ARHGAP24: variants seen among roughly 807,000 people sequenced by gnomAD.
The protein encoded by ARHGAP24 is Rho GTPase activating protein 24, also known as rho GTPase-activating protein 24.
A neutral mutation model predicts 76.4 loss-of-function variants in ARHGAP24; 50 were observed. The observed-to-expected ratio is 0.65, with a 90% CI of 0.52 to 0.83. The LOEUF (loss-of-function observed/expected upper bound fraction) is 0.83. Ranked by LOEUF, ARHGAP24 falls within the 40% of genes least tolerant of loss-of-function variation. The probability of loss-of-function intolerance (pLI) is 0.00; values close to 1 mark genes in which losing one functional copy is unlikely to be tolerated. For missense variants in ARHGAP24, 930 were observed against 914.2 expected (o/e 1.02, Z -0.22); for synonymous variants, 345 against 323.3 (o/e 1.07, Z -0.72).
intron 1 of ARHGAP24, among the ~76,000 whole-genome samples, chr4:85,566,045 G>C (rs985993366): frequency 2.0e-5 from 3 of 152,208 alleles, no homozygotes; most frequent in Non-Finnish European, 4.4e-5. Flanking sequence ...GCTGAGAACT[G>C]TCTAGCTATG....
intron 2 of ARHGAP24, among the ~76,000 whole-genome samples, chr4:85,607,223 A>T (rs1301516845): frequency 6.6e-6 from 1 of 152,204 alleles, no homozygotes; most frequent in Non-Finnish European, 1.5e-5. Context: ...CCTAAACTGA[A>T]TTAATGAGAT....
chr4:85,641,578 A>G (rs1256299077), intron 2 of ARHGAP24, among the ~76,000 whole-genome samples: 1 of 152,156 alleles, frequency 6.6e-6, no homozygotes, highest in Non-Finnish European at 1.5e-5. Flanking sequence ...GATTTCCTCT[A>G]GAATCATCCT....
At chr4:85,653,392 C>T (rs1029643470) in intron 2 of ARHGAP24, among the ~76,000 whole-genome samples, 2 of 152,114 alleles carry the variant, frequency 1.3e-5, no homozygotes, top group African/African-American at 4.8e-5. Flanking sequence ...ATGAAAATAG[C>T]ATAAGTAAAT....
intron 7 of ARHGAP24, chr4:85,975,822 G>T (rs1739287750): frequency 6.6e-6 from 1 of 152,156 alleles, no homozygotes; most frequent in East Asian, 1.9e-4. Flanking sequence ...GCGTTCAAGG[G>T]ACTAGGAACT....
chr4:85,815,559 C>T (rs1729201026), intron 3 of ARHGAP24, among the ~76,000 whole-genome samples: 1 of 152,212 alleles, frequency 6.6e-6, no homozygotes, highest in Non-Finnish European at 1.5e-5. Context: ...CTCCAGCTCC[C>T]AACAAGTTCC....
chr4:85,736,133 G>A (rs1298254612), intron 3 of ARHGAP24, among the ~76,000 whole-genome samples: 3 of 152,040 alleles, frequency 2.0e-5, no homozygotes, highest in East Asian at 1.9e-4. Context: ...CTCTCAAATG[G>A]TATGTCAATT....
intron 2 of ARHGAP24, among the ~76,000 whole-genome samples, chr4:85,599,776 T>A (rs961338741): frequency 6.6e-6 from 1 of 152,198 alleles, no homozygotes; most frequent in African/African-American, 2.4e-5. Flanking sequence ...ATCTCCTTAA[T>A]AAATTCTATA....
chr4:85,829,324 G>T (rs985843859), intron 3 of ARHGAP24, among the ~76,000 whole-genome samples: 1 of 152,062 alleles, frequency 6.6e-6, no homozygotes, highest in African/African-American at 2.4e-5. Flanking sequence ...AATTAACAAA[G>T]AACATATAAT....
intron 5 of ARHGAP24, among the ~76,000 whole-genome samples, chr4:85,959,202 G>C (rs1180106697): frequency 1.3e-5 from 2 of 152,188 alleles, no homozygotes; most frequent in East Asian, 3.9e-4. Context: ...AGACCATATA[G>C]GGTAACTTCC....
chr4:85,749,962 A>G (rs1578195678), intron 3 of ARHGAP24, among the ~76,000 whole-genome samples: 1 of 152,114 alleles, frequency 6.6e-6, no homozygotes, highest in South Asian at 2.1e-4. Flanking sequence ...CAGCAGCAGC[A>G]GCGGCAGCAG....
chr4:85,815,821 C>A (rs534452749), intron 3 of ARHGAP24, among the ~76,000 whole-genome samples: 67 of 152,226 alleles, frequency 4.4e-4, no homozygotes, highest in African/African-American at 1.6e-3. Context: ...TCCATTTTCC[C>A]GCTGCTGATA....
At chr4:85,618,958 C>A (rs1384706153) in intron 2 of ARHGAP24, among the ~76,000 whole-genome samples, 1 of 151,976 alleles carries the variant, frequency 6.6e-6, no homozygotes, top group African/African-American at 2.4e-5. Flanking sequence ...AGTACAGAAG[C>A]TTTTTGATTT....
chr4:85,708,639 C>T (rs774702060), intron 2 of ARHGAP24, among the ~76,000 whole-genome samples: 45 of 152,276 alleles, frequency 3.0e-4, no homozygotes, highest in Middle Eastern at 3.4e-3. Context: ...TATTCCATCA[C>T]GGTGCAATTC....
intron 1 of ARHGAP24, among the ~76,000 whole-genome samples, chr4:85,502,870 T>C (rs1052524418): frequency 6.7e-6 from 1 of 149,518 alleles, no homozygotes; most frequent in African/African-American, 2.6e-5. Context: ...TAAATAGTTC[T>C]TATTATTTTG....
intron 2 of ARHGAP24, among the ~76,000 whole-genome samples, chr4:85,711,967 G>A (rs1452742800): frequency 1.3e-5 from 2 of 151,858 alleles, no homozygotes; most frequent in East Asian, 1.9e-4. Flanking sequence ...ACCATTTTTC[G>A]CTCTTCACAT....
intron 3 of ARHGAP24, among the ~76,000 whole-genome samples, chr4:85,736,588 T>G (rs1267332998): frequency 6.6e-6 from 1 of 152,216 alleles, no homozygotes; most frequent in Non-Finnish European, 1.5e-5. Flanking sequence ...AAGAAACTAT[T>G]GTTTATCATC....
At chr4:85,925,064 T>C (rs1735944582) in intron 4 of ARHGAP24, among the ~76,000 whole-genome samples, 1 of 152,288 alleles carries the variant, frequency 6.6e-6, no homozygotes, top group East Asian at 1.9e-4. Flanking sequence ...GAATCCCCAC[T>C]CCAGTACCTT....
chr4:85,980,247 A>T (rs1163829914), intron 8 of ARHGAP24, among the ~76,000 whole-genome samples: 1 of 152,238 alleles, frequency 6.6e-6, no homozygotes, highest in African/African-American at 2.4e-5. Context: ...ACATGTGTAC[A>T]TATTACATGC....
intron 1 of ARHGAP24, among the ~76,000 whole-genome samples, chr4:85,496,638 A>G (rs1225765463): frequency 6.6e-6 from 1 of 152,208 alleles, no homozygotes; most frequent in African/African-American, 2.4e-5. Context: ...GCCATGCAAC[A>G]CTGTGAAGAT....
Sources: allele counts gnomAD v4.1 joint callset (sites outside exome capture counted in the v4.1 genomes callset), GRCh38; gene constraint gnomAD v4.1.1; transcripts MANE v1.5; gene names NCBI Gene and HGNC (gene_info 2026-07-23, HGNC 2026-07-21).